Variants in DAP3 observed in about 807,000 individuals in gnomAD.
DAP3 encodes death associated protein 3, also known as small ribosomal subunit protein mS29.
DAP3 carries 28 observed loss-of-function variants against 51.9 expected under a neutral mutation model. That is an observed-to-expected ratio of 0.54 (90% CI 0.40 to 0.74). DAP3 has a LOEUF of 0.74. DAP3 is among the 30% of genes least tolerant of loss of function. DAP3 has a pLI of 0.00. For missense variants in DAP3, 458 were observed against 483.5 expected (o/e 0.95, Z 0.49); for synonymous variants, 170 against 170.3 (o/e 1.00, Z 0.01).
chr1:155,714,087 A>G (rs1657045840), intron 2 of DAP3, among the ~76,000 whole-genome samples: 1 of 152,208 alleles, frequency 6.6e-6, no homozygotes, highest in Non-Finnish European at 1.5e-5. Context: ...GAGCAGAAGT[A>G]TAGAGGCATA....
intron 1 of DAP3, among the ~76,000 whole-genome samples, chr1:155,690,527 G>A (rs945244016): frequency 1.2e-4 from 17 of 141,594 alleles, no homozygotes; most frequent in Non-Finnish European, 2.2e-4. Context: ...GTGACAGAGC[G>A]AGACCCTGTC....
chr1:155,731,873 C>T (rs907764119), intron 10 of DAP3, 71 bp from the exon 11 acceptor site: 2 of 1,448,060 alleles, frequency 1.4e-6, no homozygotes, highest in Non-Finnish European at 1.9e-6. Context: ...AAAAAAAAAT[C>T]TACAGATGAT....
chr1:155,703,886 G>A (rs1318510408), intron 1 of DAP3, among the ~76,000 whole-genome samples: 16 of 152,148 alleles, frequency 1.1e-4, no homozygotes, highest in Admixed American at 4.6e-4. Flanking sequence ...AGTGGCTCGC[G>A]CCTGCAATCT....
chr1:155,703,186 C>T (rs753325478), intron 1 of DAP3, among the ~76,000 whole-genome samples: 28 of 152,100 alleles, frequency 1.8e-4, no homozygotes, highest in African/African-American at 2.4e-4. Flanking sequence ...TCCATTTTCA[C>T]GCTGCTGATA....
chr1:155,701,060 G>A (rs1655204635), intron 1 of DAP3, among the ~76,000 whole-genome samples: 14 of 117,970 alleles, frequency 1.2e-4, no homozygotes, highest in African/African-American at 3.9e-4. Context: ...GTGGGGGGGG[G>A]TCAGCCCCCC....
chr1:155,733,818 CA>C (rs1176991219), intron 11 of DAP3, among the ~76,000 whole-genome samples: 1 of 151,752 alleles, frequency 6.6e-6, no homozygotes, highest in Non-Finnish European at 1.5e-5. Flanking sequence ...GCCTGAGCCA[CA>C]AAGCAAGACT....
intron 1 of DAP3, among the ~76,000 whole-genome samples, chr1:155,699,233 G>C (rs547088246): frequency 6.6e-6 from 1 of 152,172 alleles, no homozygotes; most frequent in South Asian, 2.1e-4. Context: ...TAGCAGAGGC[G>C]GTTTAAGTGA....
intron 2 of DAP3, among the ~76,000 whole-genome samples, chr1:155,712,834 A>G (rs348201): frequency 2.0e-5 from 3 of 151,946 alleles, no homozygotes; most frequent in Non-Finnish European, 2.9e-5. Flanking sequence ...CCACCTTGTG[A>G]CCCTTGAATA....
intron 3 of DAP3, 115 bp from the exon 4 acceptor site, chr1:155,721,402 A>ATATATATATATGTATGTATG: frequency 7.1e-6 from 1 of 140,504 alleles, no homozygotes; most frequent in African/African-American, 8.9e-5. Context: ...GTATGTATGT[A>ATATATATATATGTATGTATG]TATATATATA....
chr1:155,722,163 T>TGGGA (rs1557787551), intron 4 of DAP3, among the ~76,000 whole-genome samples: 1 of 152,116 alleles, frequency 6.6e-6, no homozygotes, highest in Non-Finnish European at 1.5e-5. Context: ...AGCTGCACTT[T>TGGGA]GGGAGGCCAA....
chr1:155,688,526 A>T, upstream of DAP3: 1 of 1,543,780 alleles, frequency 6.5e-7, no homozygotes, highest in Non-Finnish European at 8.7e-7. Context: ...GGCTGCTCCC[A>T]CCAACCACCA....
At chr1:155,691,735 A>G (rs574120675) in intron 1 of DAP3, among the ~76,000 whole-genome samples, 1 of 142,086 alleles carries the variant, frequency 7.0e-6, no homozygotes, top group Non-Finnish European at 1.5e-5. Context: ...TCCAGATTCT[A>G]TCCAACACAT....
At chr1:155,727,492 G>T (rs974174181) in intron 6 of DAP3, 116 bp from the exon 7 acceptor site, 111 of 907,600 alleles carry the variant, frequency 1.2e-4, no homozygotes, top group Non-Finnish European at 1.4e-4. Context: ...AAAAAGAAAA[G>T]AAATATATAT....
intron 1 of DAP3, among the ~76,000 whole-genome samples, chr1:155,705,466 A>G (rs1204752337): frequency 2.0e-5 from 3 of 151,210 alleles, no homozygotes; most frequent in African/African-American, 7.3e-5. Context: ...TTAATATGCC[A>G]GGCAATGGCA....
At chr1:155,711,512 C>A (rs618338) in intron 2 of DAP3, among the ~76,000 whole-genome samples, 1 of 151,840 alleles carries the variant, frequency 6.6e-6, no homozygotes, top group African/African-American at 2.4e-5. Context: ...AAAAAAATTT[C>A]CTCTTTCTTA....
At chr1:155,730,624 A>T (rs1218367535) in intron 9 of DAP3, among the ~76,000 whole-genome samples, 3 of 151,840 alleles carry the variant, frequency 2.0e-5, no homozygotes, top group South Asian at 4.2e-4. Context: ...TCAAAAAAAT[A>T]AAAAAAAAGA....
At chr1:155,695,438 C>T (rs1654388278) in intron 1 of DAP3, among the ~76,000 whole-genome samples, 1 of 152,072 alleles carries the variant, frequency 6.6e-6, no homozygotes, top group African/African-American at 2.4e-5. Context: ...GTTTGTAAGT[C>T]CTGTTACATT....
At chr1:155,711,366 G>T (rs61817763) in intron 2 of DAP3, among the ~76,000 whole-genome samples, 4 of 151,880 alleles carry the variant, frequency 2.6e-5, no homozygotes, top group African/African-American at 9.7e-5. Flanking sequence ...GGTGGCACAC[G>T]CCTGTAATCC....
chr1:155,688,460 G>T (rs201373497), upstream of DAP3: 2 of 1,549,608 alleles, frequency 1.3e-6, no homozygotes, highest in Non-Finnish European at 1.7e-6. Flanking sequence ...CCCGACTCCG[G>T]CCATGTAGCG....
Sources: gnomAD v4.1 joint callset for allele counts (sites outside exome capture counted in the v4.1 genomes callset) on GRCh38, gnomAD v4.1.1 for gene constraint, MANE v1.5 for transcripts, NCBI Gene and HGNC (gene_info 2026-07-23, HGNC 2026-07-21) for gene names.